The following CA5A variants were observed in gnomAD, a reference collection of about 807,000 sequenced individuals.
The protein encoded by CA5A is carbonic anhydrase 5A, mitochondrial.
CA5A carries 28 observed loss-of-function variants against 37.1 expected under a neutral mutation model. That is an observed-to-expected ratio of 0.75 (90% CI 0.56 to 1.03). CA5A has a LOEUF of 1.03. CA5A is among the 50% of genes least tolerant of loss of function. The pLI is 0.00. For missense variants in CA5A, 444 were observed against 399.9 expected (o/e 1.11, Z -0.94); for synonymous variants, 171 against 158.4 (o/e 1.08, Z -0.60).
chr16:87,897,728 G>T (rs946064296), intron 5 of CA5A, among the ~76,000 whole-genome samples: 1 of 152,324 alleles, frequency 6.6e-6, no homozygotes, highest in Middle Eastern at 3.4e-3. Flanking sequence ...TTAAAAACGG[G>T]CTCTTCACCT....
At chr16:87,904,108 G>C (rs1175913232) in intron 3 of CA5A, among the ~76,000 whole-genome samples, 1 of 152,164 alleles carries the variant, frequency 6.6e-6, no homozygotes, top group East Asian at 1.9e-4. Context: ...TTGGGAGGCT[G>C]AGGTGGGTGG....
chr16:87,905,204 G>A (rs1340188321), intron 2 of CA5A, among the ~76,000 whole-genome samples: 6 of 151,938 alleles, frequency 3.9e-5, no homozygotes, highest in South Asian at 2.1e-4. Flanking sequence ...GCAGAAATCC[G>A]TAAAGAACGT....
chr16:87,899,433 G>A (rs2055846111), intron 5 of CA5A, among the ~76,000 whole-genome samples: 1 of 149,638 alleles, frequency 6.7e-6, no homozygotes, highest in African/African-American at 2.5e-5. Context: ...CTCCTGAGTA[G>A]CTGGGATTAC....
At chr16:87,921,325 G>A (rs1385545500) in intron 2 of CA5A, among the ~76,000 whole-genome samples, 1 of 152,198 alleles carries the variant, frequency 6.6e-6, no homozygotes. Context: ...GGTTGACTTG[G>A]CTTCAGGTAC....
At chr16:87,889,098 T>C (rs1439637071) in intron 6 of CA5A, among the ~76,000 whole-genome samples, 1 of 152,026 alleles carries the variant, frequency 6.6e-6, no homozygotes, top group Non-Finnish European at 1.5e-5. Context: ...TTTGTATTTT[T>C]AGTAGAGATG....
At chr16:87,890,001 G>T (rs900445686) in intron 6 of CA5A, among the ~76,000 whole-genome samples, 1 of 152,192 alleles carries the variant, frequency 6.6e-6, no homozygotes, top group Non-Finnish European at 1.5e-5. Context: ...CCGTGACCAC[G>T]GTGTGCTCAT....
chr16:87,919,296 A>G (rs2056197834), intron 2 of CA5A, among the ~76,000 whole-genome samples: 1 of 152,354 alleles, frequency 6.6e-6, no homozygotes, highest in South Asian at 2.1e-4. Flanking sequence ...CTCTGGGAAC[A>G]GCGTCCTCGG....
At chr16:87,928,200 C>G (rs2056339974) in intron 1 of CA5A, among the ~76,000 whole-genome samples, 1 of 152,172 alleles carries the variant, frequency 6.6e-6, no homozygotes, top group Non-Finnish European at 1.5e-5. Flanking sequence ...GATCAGGTCT[C>G]ACTGTGCCAC....
At chr16:87,916,736 C>T (rs956590141) in intron 2 of CA5A, among the ~76,000 whole-genome samples, 1 of 152,194 alleles carries the variant, frequency 6.6e-6, no homozygotes, top group Non-Finnish European at 1.5e-5. Flanking sequence ...GATCCTTCCT[C>T]CCTACAAAAG....
chr16:87,898,519 C>T (rs1209798761), intron 5 of CA5A, among the ~76,000 whole-genome samples: 3 of 152,210 alleles, frequency 2.0e-5, no homozygotes, highest in African/African-American at 7.2e-5. Flanking sequence ...TGACAGAAAG[C>T]ACCCGCAGCA....
At chr16:87,882,135 T>C (rs1250747743) in intron 4 of CA5A, 2 of 151,942 alleles carry the variant, frequency 1.3e-5, no homozygotes, top group Non-Finnish European at 2.9e-5. Context: ...TCTGCCCCCA[T>C]CCCAAGCCCC....
rs757765568 is a variant in CA5A at position 87,936,393 on chromosome 16, A to G, written c.58T>C (p.Trp20Arg). Residue 20 changes from tryptophan to arginine, a missense_variant, in exon 1 of 7, where the codon TGG becomes CGG. Transcript: ENST00000649794. ...ATCGAACGACTCCAGAGAGGGGCCC[A>G]CATCTGCTCAACCAAGAAGGAGAAA... Reference protein sequence around the residue: ...SAFSFLVEQMWAPLWSRSMRP... With the variant: ...SAFSFLVEQMRAPLWSRSMRP... 6.2e-6 allele frequency: 10 copies of G among 1,613,970 alleles called. No individual in the cohort carries two copies. Among genetic ancestry groups the G allele is most frequent in the African/African-American group, 1.3e-5 (1 of 74,918 alleles).
At chr16:87,899,522 T>C (rs1330767446) in intron 5 of CA5A, among the ~76,000 whole-genome samples, 6 of 150,986 alleles carry the variant, frequency 4.0e-5, no homozygotes, top group Admixed American at 6.6e-5. Flanking sequence ...AGGCTGGTTT[T>C]GAACACCTGA....
intron 2 of CA5A, among the ~76,000 whole-genome samples, chr16:87,917,064 C>T (rs1230637303): frequency 1.4e-5 from 2 of 146,320 alleles, no homozygotes; most frequent in South Asian, 2.1e-4. Flanking sequence ...AAGACAGCTC[C>T]ACTGCACTCC....
intron 5 of CA5A, chr16:87,893,516 C>T (rs1209959040): frequency 1.4e-5 from 8 of 560,078 alleles, no homozygotes; most frequent in Non-Finnish European, 2.8e-5. Context: ...ACTGTGCCTG[C>T]CACCCTATGC....
chr16:87,909,414 A>AACG (rs2056016352), intron 2 of CA5A, among the ~76,000 whole-genome samples: 1 of 152,212 alleles, frequency 6.6e-6, no homozygotes, highest in South Asian at 2.1e-4. Flanking sequence ...TGATACGCAA[A>AACG]TGAGGAGGGA....
rs144250095 is a variant in CA5A at position 87,936,342 on chromosome 16, G to A, written c.109C>T (p.Arg37Cys). ...SMRPGRWCSQ[R>C]SCAWQTSNNT... ...TTGCTGGTTTGCCATGCACAGGAACGCTGAGAACACCATCGCCCTGGCCTC... is the reference window on the plus strand; with the variant it reads ...TTGCTGGTTTGCCATGCACAGGAACACTGAGAACACCATCGCCCTGGCCTC... Residue 37 changes from arginine (R) to cysteine (C), a missense_variant, in exon 1 of 7, where the codon CGT becomes TGT. Physicochemically the swap from Arg to Cys is radical, Grantham distance 180 (BLOSUM62 -3). Transcript: ENST00000649794. 7.8e-5 allele frequency: 126 copies of A among 1,613,764 alleles called. 1 individual carries two copies. The African/African-American group carries it at 1.2e-3, about 16-fold the overall frequency.
intron 1 of CA5A, among the ~76,000 whole-genome samples, chr16:87,930,961 G>A (rs1362909143): frequency 1.3e-5 from 2 of 151,832 alleles, no homozygotes; most frequent in African/African-American, 2.4e-5. Flanking sequence ...GGATGGTCTC[G>A]ATCTCCTGAC....
At position 87,893,180 on chromosome 16, in the gene CA5A, T is replaced by G. The variant is rs545494673; in HGVS notation, c.619-1226A>C. On this transcript the variant is annotated intron_variant, in intron 5 of 6. Coordinates refer to ENST00000649794, the MANE Select transcript of CA5A (RefSeq NM_001739.2). ...TTCAGACAGAGTCTCCAGGCTGGAG[T>G]GCAGTGGTGCGATCTCAGCTCACTG... The G allele has an allele frequency of 9.4e-6, 4 of 426,714 alleles. No individual in the cohort carries two copies. In the East Asian group the frequency reaches 1.6e-4, roughly 17 times the overall value. 26.4% of individuals were successfully genotyped at this position (426,714 alleles called of 1,614,324 possible). A position where few individuals can be genotyped will look rare whatever the true frequency, so the allele number is the denominator to read the frequency against.
Sources: gnomAD v4.1 joint callset for allele counts (sites outside exome capture counted in the v4.1 genomes callset) on GRCh38, gnomAD v4.1.1 for gene constraint, MANE v1.5 for transcripts, NCBI Gene and HGNC (gene_info 2026-07-23, HGNC 2026-07-21) for gene names.